The following RAC1 variants were observed in gnomAD, a reference collection of about 807,000 sequenced individuals.
RAC1 encodes Rac family small GTPase 1, also known as ras-related C3 botulinum toxin substrate 1.
A neutral mutation model predicts 25.2 loss-of-function variants in RAC1; 2 were observed. The ratio of observed to expected loss-of-function variants is 0.08; its 90% CI spans 0.03 to 0.25. The LOEUF is 0.25. Ranked by LOEUF, RAC1 falls within the 10% of genes least tolerant of loss-of-function variation. The pLI is 1.00. For missense variants in RAC1, 50 were observed against 235.7 expected, an observed-to-expected ratio of 0.21 and a Z score of 5.16; for synonymous variants, 88 against 94.0, an observed-to-expected ratio of 0.94 and a Z score of 0.37.
intron 1 of RAC1, among the ~76,000 whole-genome samples, chr7:6,378,703 A>AT (rs1052984534): frequency 5.9e-5 from 9 of 151,750 alleles, no homozygotes; most frequent in African/African-American, 1.4e-4. Context: ...GGGGTCTATA[A>AT]TTTTTTTTTC....
At chr7:6,398,329 G>T (rs1057286636) in intron 3 of RAC1, among the ~76,000 whole-genome samples, 1 of 152,164 alleles carries the variant, frequency 6.6e-6, no homozygotes, top group Non-Finnish European at 1.5e-5. Context: ...CTGCCTTTGC[G>T]GTAAGGGACA....
chr7:6,395,067 G>C (rs1027425769), intron 3 of RAC1, among the ~76,000 whole-genome samples: 2 of 152,128 alleles, frequency 1.3e-5, no homozygotes, highest in African/African-American at 2.4e-5. Context: ...TGTTAGCCAG[G>C]ATGGTCTTGA....
At chr7:6,392,893 G>A (rs893298123) in intron 3 of RAC1, among the ~76,000 whole-genome samples, 1 of 152,190 alleles carries the variant, frequency 6.6e-6, no homozygotes, top group East Asian at 1.9e-4. Context: ...TCCTTGTAGG[G>A]TGAGATGAGT....
intron 3 of RAC1, chr7:6,399,911 T>C: frequency 1.7e-6 from 1 of 579,544 alleles, no homozygotes. Context: ...CCCTTCATGC[T>C]CCCCATTTTC....
At chr7:6,391,807 G>C (rs1783100123) in intron 2 of RAC1, 117 bp from the exon 3 acceptor site, 2 of 1,501,616 alleles carry the variant, frequency 1.3e-6, no homozygotes, top group Non-Finnish European at 1.8e-6. Context: ...ACATTTGCTG[G>C]TGTGGCAGCC....
intron 2 of RAC1, among the ~76,000 whole-genome samples, chr7:6,388,267 ACCT>A (rs911954426): frequency 2.8e-5 from 4 of 142,570 alleles, no homozygotes; most frequent in Non-Finnish European, 6.1e-5. Flanking sequence ...ACCTGTGTTC[ACCT>A]CCTCAGGCAC....
intron 2 of RAC1, among the ~76,000 whole-genome samples, chr7:6,389,511 C>G (rs959796430): frequency 1.3e-5 from 2 of 151,868 alleles, no homozygotes; most frequent in Non-Finnish European, 2.9e-5. Flanking sequence ...GAAACCCTGT[C>G]TCTACTAAAA....
In RAC1 at chr7:6,381,390, C is replaced by CTTT. The variant is rs71008386; in HGVS notation, c.36-5807_36-5805dup. On this transcript the variant is annotated intron_variant, in intron 1 of 5. Coordinates refer to ENST00000348035, the MANE Select transcript of RAC1 (RefSeq NM_006908.5). ...AGCTTCTAGTGGTAATAATTGCTGG[C>CTTT]TTTTTTTTTTTTTTTTTGGTAGAAA... 2.8e-3 allele frequency among the ~76,000 whole-genome samples: 374 copies of CTTT among 132,256 alleles called. 3 individuals are homozygous for CTTT. The highest frequency in any genetic ancestry group is 0.016 in the Middle Eastern group (4 of 244). 86.8% of individuals were successfully genotyped at this position (132,256 alleles called of 152,430 possible). A position where few individuals can be genotyped will look rare whatever the true frequency, so the allele number is the denominator to read the frequency against.
intron 2 of RAC1, among the ~76,000 whole-genome samples, chr7:6,388,037 GA>G (rs546199761): frequency 1.7e-4 from 26 of 152,270 alleles, no homozygotes; most frequent in Middle Eastern, 3.4e-3. Flanking sequence ...TAGGGCTTTG[GA>G]ATTGAAACTT....
At chr7:6,382,799 G>T (rs1184494140) in intron 1 of RAC1, among the ~76,000 whole-genome samples, 1 of 152,242 alleles carries the variant, frequency 6.6e-6, no homozygotes, top group East Asian at 1.9e-4. Flanking sequence ...TTCGAACCCA[G>T]CAGGCAGAGG....
chr7:6,395,914 C>G (rs35056808), intron 3 of RAC1, among the ~76,000 whole-genome samples: 86 of 152,160 alleles, frequency 5.7e-4, no homozygotes, highest in Admixed American at 2.0e-3. Flanking sequence ...GAGATCTCAG[C>G]TGTCCAGATG....
intron 3 of RAC1, 42 bp downstream of exon 3, chr7:6,392,083 A>G: frequency 6.2e-7 from 1 of 1,611,738 alleles, no homozygotes; most frequent in South Asian, 1.1e-5. Flanking sequence ...TTTAGAGTAT[A>G]TAATTCTCGA....
chr7:6,378,933 C>T (rs1433195983), intron 1 of RAC1, among the ~76,000 whole-genome samples: 4 of 151,778 alleles, frequency 2.6e-5, no homozygotes, highest in African/African-American at 9.7e-5. Context: ...ACTAAAAATA[C>T]AAAAAAATTA....
At chr7:6,377,639 G>C (rs1454930749) in intron 1 of RAC1, among the ~76,000 whole-genome samples, 1 of 152,102 alleles carries the variant, frequency 6.6e-6, no homozygotes, top group East Asian at 1.9e-4. Context: ...CTTTGGCCGG[G>C]CACGGTAGCT....
At chr7:6,398,726 A>G (rs1359979445) in intron 3 of RAC1, 1 of 1,612,872 alleles carries the variant, frequency 6.2e-7, no homozygotes, top group Non-Finnish European at 8.5e-7. Context: ...GCCGTATGTA[A>G]AACTTTCAGT....
intron 2 of RAC1, among the ~76,000 whole-genome samples, chr7:6,390,003 T>TCTCC (rs1433268819): frequency 1.0e-5 from 1 of 96,926 alleles, no homozygotes; most frequent in Non-Finnish European, 2.0e-5. Flanking sequence ...TCCCTCCCTC[T>TCTCC]CTCCCTCCTT....
chr7:6,396,607 C>T (rs187826764), intron 3 of RAC1, among the ~76,000 whole-genome samples: 22 of 152,254 alleles, frequency 1.4e-4, no homozygotes, highest in Admixed American at 1.2e-3. Context: ...AACTGGTTCT[C>T]GATGATCCTC....
At chr7:6,382,588 G>T (rs1283642373) in intron 1 of RAC1, among the ~76,000 whole-genome samples, 1 of 152,208 alleles carries the variant, frequency 6.6e-6, no homozygotes, top group Non-Finnish European at 1.5e-5. Context: ...TCTTGGCTGG[G>T]CGTGGTGGCT....
At chr7:6,402,085 C>T (rs1348957892) in intron 5 of RAC1, 58 bp downstream of exon 5, 2 of 1,561,432 alleles carry the variant, frequency 1.3e-6, no homozygotes, top group South Asian at 1.2e-5. Context: ...GTGACAGAGA[C>T]TGGAGTCCAG....
Sources: gnomAD v4.1 joint callset for allele counts (sites outside exome capture counted in the v4.1 genomes callset) on GRCh38, gnomAD v4.1.1 for gene constraint, MANE v1.5 for transcripts, NCBI Gene and HGNC (gene_info 2026-07-23, HGNC 2026-07-21) for gene names.